Variants in UQCC6 observed in about 807,000 individuals in gnomAD.
The protein encoded by UQCC6 is protein BRAWNIN.
the UQCC6 span, among the ~76,000 whole-genome samples, chr12:103,965,081 G>A: frequency 6.6e-6 from 1 of 152,146 alleles, no homozygotes; most frequent in Non-Finnish European, 1.5e-5. Flanking sequence ...AACAAATACA[G>A]CAGCCATGTT....
chr12:103,956,712 G>A, the UQCC6 span: 4 of 1,551,680 alleles, frequency 2.6e-6, no homozygotes, highest in Admixed American at 3.9e-5. Context: ...TTTTCAGGTA[G>A]GTGGACATGG....
At chr12:103,954,232 A>G in the UQCC6 span, among the ~76,000 whole-genome samples, 1 of 152,262 alleles carries the variant, frequency 6.6e-6, no homozygotes, top group Non-Finnish European at 1.5e-5. Flanking sequence ...TCCTATTCAC[A>G]TGAAGGAAAA....
the UQCC6 span, chr12:103,956,335 CAG>C: frequency 3.7e-6 from 1 of 267,146 alleles, no homozygotes; most frequent in Admixed American, 4.9e-5. Flanking sequence ...TGAATGTTAA[CAG>C]GGGAAAGAAC....
the UQCC6 span, among the ~76,000 whole-genome samples, chr12:103,959,100 T>C: frequency 6.6e-6 from 1 of 152,234 alleles, no homozygotes; most frequent in Non-Finnish European, 1.5e-5. Flanking sequence ...GCAATCCTGC[T>C]AAAAACTCCT....
At chr12:103,963,223 G>A in the UQCC6 span, among the ~76,000 whole-genome samples, 4 of 152,170 alleles carry the variant, frequency 2.6e-5, no homozygotes, top group East Asian at 7.7e-4. Flanking sequence ...ACAGGCATGT[G>A]CCACCACATC....
chr12:103,962,513 T>C, the UQCC6 span, among the ~76,000 whole-genome samples: 9,792 of 152,190 alleles, frequency 0.064, 397 homozygotes, highest in Non-Finnish European at 0.09. Context: ...CAGGACCAGA[T>C]TGAGGACCAG....
chr12:103,962,139 A>T, the UQCC6 span, among the ~76,000 whole-genome samples: 2 of 152,174 alleles, frequency 1.3e-5, no homozygotes, highest in African/African-American at 4.8e-5. Flanking sequence ...TTGGTGATGT[A>T]TCTGTTCAAA....
the UQCC6 span, among the ~76,000 whole-genome samples, chr12:103,962,334 T>C: frequency 7.1e-4 from 108 of 152,234 alleles, no homozygotes; most frequent in Non-Finnish European, 1.4e-3. Context: ...ATTTTTCCTT[T>C]TGTATTATAT....
chr12:103,963,997 A>T, the UQCC6 span, among the ~76,000 whole-genome samples: 7 of 152,030 alleles, frequency 4.6e-5, no homozygotes, highest in African/African-American at 1.7e-4. Context: ...CAGGTTCACA[A>T]GCAGAAAAAG....
chr12:103,956,221 TG>T, the UQCC6 span: 2 of 19,134 alleles, frequency 1.0e-4, no homozygotes, highest in Non-Finnish European at 2.2e-4. Context: ...GCCAAGTTGT[TG>T]GGGGGGTGGT....
chr12:103,961,582 A>G, the UQCC6 span, among the ~76,000 whole-genome samples: 4 of 151,698 alleles, frequency 2.6e-5, no homozygotes, highest in Non-Finnish European at 4.4e-5. Context: ...TTTGAGACAG[A>G]GTCTCGCTCT....
At chr12:103,963,740 T>C in the UQCC6 span, among the ~76,000 whole-genome samples, 3 of 152,212 alleles carry the variant, frequency 2.0e-5, no homozygotes, top group Admixed American at 6.5e-5. Flanking sequence ...TCTAATTGTT[T>C]GTTGTTAGTA....
chr12:103,955,065 A>G, the UQCC6 span: 1 of 645,104 alleles, frequency 1.6e-6, no homozygotes. Flanking sequence ...CTGTAACCCC[A>G]GCACTTTGGG....
At chr12:103,957,933 A>G in the UQCC6 span, among the ~76,000 whole-genome samples, 2 of 132,244 alleles carry the variant, frequency 1.5e-5, no homozygotes. Flanking sequence ...TATATTTTAT[A>G]CATATTTTAT....
chr12:103,963,415 A>T, the UQCC6 span, among the ~76,000 whole-genome samples: 1 of 152,184 alleles, frequency 6.6e-6, no homozygotes, highest in Non-Finnish European at 1.5e-5. Flanking sequence ...ATAATTCTTA[A>T]GTCAGGCAGT....
the UQCC6 span, among the ~76,000 whole-genome samples, chr12:103,963,815 T>C: frequency 6.6e-6 from 1 of 152,214 alleles, no homozygotes; most frequent in Non-Finnish European, 1.5e-5. Flanking sequence ...TCTCACCTAT[T>C]AGCTGTACTA....
the UQCC6 span, chr12:103,957,042 C>G: frequency 1.3e-5 from 5 of 395,324 alleles, no homozygotes; most frequent in African/African-American, 1.0e-4. Context: ...AAACCGATAC[C>G]AGGTCGTTTC....
the UQCC6 span, among the ~76,000 whole-genome samples, chr12:103,959,531 A>G: frequency 6.6e-6 from 1 of 151,898 alleles, no homozygotes; most frequent in Admixed American, 6.6e-5. Flanking sequence ...TGGGCAACAC[A>G]GTAAAACCCC....
chr12:103,957,522 C>T, the UQCC6 span, among the ~76,000 whole-genome samples: 5 of 151,978 alleles, frequency 3.3e-5, no homozygotes, highest in African/African-American at 1.2e-4. Context: ...TGAGCATTTG[C>T]GTGCTTTTAT....
Sources: allele counts gnomAD v4.1 joint callset (sites outside exome capture counted in the v4.1 genomes callset), GRCh38; gene constraint gnomAD v4.1.1; transcripts MANE v1.5; gene names NCBI Gene and HGNC (gene_info 2026-07-23, HGNC 2026-07-21).